Variants in ZNF682 observed in about 807,000 individuals in gnomAD.
ZNF682 encodes zinc finger protein 682.
ZNF682 carries 29 observed loss-of-function variants against 36.5 expected under a neutral mutation model. The ratio of observed to expected loss-of-function variants is 0.80; its 90% CI spans 0.59 to 1.08. The LOEUF is 1.08. Ranked by LOEUF, ZNF682 falls within the 50% of genes least tolerant of loss-of-function variation. The pLI, the probability that ZNF682 is intolerant of heterozygous loss-of-function variation, is 0.00. For missense variants in ZNF682, 561 were observed against 579.7 expected (o/e 0.97, Z 0.33); for synonymous variants, 180 against 197.0 (o/e 0.91, Z 0.72).
At chr19:20,030,298 G>A (rs528006775) in intron 1 of ZNF682, among the ~76,000 whole-genome samples, 3 of 152,272 alleles carry the variant, frequency 2.0e-5, no homozygotes, top group East Asian at 1.9e-4. Context: ...GGCTGGGCGC[G>A]GTGGCTCATG....
chr19:20,003,190 CAAAAAAAA>C (rs755953644), downstream of ZNF682, among the ~76,000 whole-genome samples: 3 of 33,084 alleles, frequency 9.1e-5, no homozygotes, highest in African/African-American at 1.7e-4. Flanking sequence ...GACTCCGTCT[CAAAAAAAA>C]AAAAAAAAAA....
At chr19:20,036,290 T>C (rs1391980383) in intron 1 of ZNF682, among the ~76,000 whole-genome samples, 1 of 152,060 alleles carries the variant, frequency 6.6e-6, no homozygotes, top group Non-Finnish European at 1.5e-5. Context: ...TGTGACCCTT[T>C]AGCTTTCTGG....
intron 1 of ZNF682, among the ~76,000 whole-genome samples, chr19:20,037,078 G>A (rs1054980352): frequency 1.4e-4 from 21 of 152,152 alleles, no homozygotes; most frequent in African/African-American, 5.1e-4. Context: ...TTTCAAGTGG[G>A]GGAATGAAGC....
intron 1 of ZNF682, among the ~76,000 whole-genome samples, chr19:20,030,452 C>T (rs2088470365): frequency 6.6e-6 from 1 of 152,078 alleles, no homozygotes; most frequent in South Asian, 2.1e-4. Context: ...CGCCTGTAAT[C>T]CCAGCTACTC....
At chr19:20,028,918 C>T (rs2088455640) in intron 1 of ZNF682, among the ~76,000 whole-genome samples, 1 of 151,894 alleles carries the variant, frequency 6.6e-6, no homozygotes, top group Non-Finnish European at 1.5e-5. Flanking sequence ...CTAACTGTCC[C>T]ATAATTCCCT....
At chr19:20,038,664 AGGG>A (rs1312898334) in intron 1 of ZNF682, among the ~76,000 whole-genome samples, 2 of 151,924 alleles carry the variant, frequency 1.3e-5, no homozygotes, top group East Asian at 3.9e-4. Flanking sequence ...TTGCTACCTT[AGGG>A]GGAAACAAAA....
At chr19:20,021,832 A>G (rs907571181) in intron 3 of ZNF682, among the ~76,000 whole-genome samples, 5 of 152,220 alleles carry the variant, frequency 3.3e-5, no homozygotes, top group Admixed American at 6.5e-5. Context: ...GCTTAGCATT[A>G]TAACAAAATT....
At chr19:19,999,847 TTA>T (rs569986535), downstream of ZNF682, among the ~76,000 whole-genome samples, 25 of 152,336 alleles carry the variant, frequency 1.6e-4, no homozygotes, top group South Asian at 2.1e-3. Context: ...ACCATAATTT[TTA>T]TATGTTTTGT....
At chr19:20,028,892 C>T (rs2088455365) in intron 1 of ZNF682, among the ~76,000 whole-genome samples, 1 of 152,056 alleles carries the variant, frequency 6.6e-6, no homozygotes, top group Non-Finnish European at 1.5e-5. Context: ...CCTCATAACA[C>T]CCTGGGAGGT....
At chr19:20,034,973 G>A (rs554022182) in intron 1 of ZNF682, among the ~76,000 whole-genome samples, 24 of 142,028 alleles carry the variant, frequency 1.7e-4, no homozygotes, top group African/African-American at 6.3e-4. Context: ...GTGCGTGCCT[G>A]TAATCCCAGC....
At chr19:20,039,069 G>C (rs1359951956) in intron 1 of ZNF682, 3 of 1,216,742 alleles carry the variant, frequency 2.5e-6, no homozygotes, top group East Asian at 2.7e-5. Flanking sequence ...CCCCGCAGTC[G>C]GGGCAGACGC....
At position 20,008,931 on chromosome 19, in the gene ZNF682, A is replaced by G. The variant is rs148575113; in HGVS notation, c.227-1656T>C. On this transcript the variant is annotated intron_variant, in intron 3 of 3. Transcript: ENST00000397165. ...ACTTATCTACAACCAAGGGACCTAG[A>G]CAGAACCTCTGCCCTCTGAAAACAA... 6.0e-3 allele frequency among the ~76,000 whole-genome samples: 913 copies of G among 152,300 alleles called. 10 individuals are homozygous for G. The highest frequency in any genetic ancestry group is 0.021 in the African/African-American group (854 of 41,544).
intron 3 of ZNF682, among the ~76,000 whole-genome samples, chr19:19,997,591 G>A (rs2088135567): frequency 6.6e-6 from 1 of 152,182 alleles, no homozygotes; most frequent in Admixed American, 6.5e-5. Context: ...ACTAGTTCCT[G>A]TTGTGTTCTT....
downstream of ZNF682, among the ~76,000 whole-genome samples, chr19:20,001,544 G>A (rs1173335760): frequency 1.3e-5 from 2 of 152,204 alleles, no homozygotes; most frequent in African/African-American, 4.8e-5. Context: ...TTCCATGTCA[G>A]TCATGCTGCA....
chr19:20,021,863 G>C (rs1453408661), intron 3 of ZNF682, among the ~76,000 whole-genome samples: 2 of 152,080 alleles, frequency 1.3e-5, no homozygotes, highest in African/African-American at 4.8e-5. Flanking sequence ...AATTTTTGTA[G>C]AATCACATTT....
chr19:20,006,615 C>T lies in ZNF682; in HGVS notation c.887G>A (p.Arg296Gln), dbSNP rs200504890. 5.6e-6 allele frequency: 9 copies of T among 1,614,036 alleles called. No homozygotes were observed. The highest frequency in any genetic ancestry group is 3.3e-5 in the South Asian group (3 of 91,074). Residue 296 changes from arginine to glutamine, a missense_variant, in exon 4 of 4, where the codon CGG (arginine) becomes CAG (glutamine). Coordinates refer to ENST00000397165, the MANE Select transcript of ZNF682 (RefSeq NM_033196.3). Reference sequence around the variant, plus strand: ...CTTATGTTTGGTGAGATGTGAGTGCCGGTTAAACGCTCTGCCACAGTCTTC... The same window carrying T: ...CTTATGTTTGGTGAGATGTGAGTGCTGGTTAAACGCTCTGCCACAGTCTTC... ...TCEDCGRAFN[R>Q]HSHLTKHKTI...
At chr19:20,036,750 T>C (rs2088533116) in intron 1 of ZNF682, among the ~76,000 whole-genome samples, 1 of 148,052 alleles carries the variant, frequency 6.8e-6, no homozygotes, top group Admixed American at 6.9e-5. Context: ...GAGGATCTCT[T>C]AAGGCCAGGT....
At chr19:20,016,507 G>A (rs550253556) in intron 3 of ZNF682, among the ~76,000 whole-genome samples, 3 of 151,872 alleles carry the variant, frequency 2.0e-5, no homozygotes, top group Non-Finnish European at 4.4e-5. Context: ...ACTATTAAAA[G>A]TATTTTTTAA....
chr19:19,998,471 A>T (rs1442468971), intron 3 of ZNF682, among the ~76,000 whole-genome samples: 1 of 152,196 alleles, frequency 6.6e-6, no homozygotes, highest in Non-Finnish European at 1.5e-5. Flanking sequence ...GAAGCTAGTT[A>T]TCTGCTTCTT....
Sources: gnomAD v4.1 joint callset for allele counts (sites outside exome capture counted in the v4.1 genomes callset) on GRCh38, gnomAD v4.1.1 for gene constraint, MANE v1.5 for transcripts, NCBI Gene and HGNC (gene_info 2026-07-23, HGNC 2026-07-21) for gene names.